The following TSPAN11 variants were observed in gnomAD, a reference collection of about 807,000 sequenced individuals.
TSPAN11 encodes the protein tetraspanin 11.
TSPAN11 carries 29 observed loss-of-function variants against 32.9 expected under a neutral mutation model. That is an observed-to-expected ratio of 0.88 (90% CI 0.66 to 1.20). The LOEUF (loss-of-function observed/expected upper bound fraction) is 1.20, where lower values mean the gene tolerates loss of function less well. Among genes scored for constraint, TSPAN11 ranks in the 50% most tolerant of loss-of-function variants. The pLI, the probability that TSPAN11 is intolerant of heterozygous loss-of-function variation, is 0.00. For missense variants in TSPAN11, 283 were observed against 329.1 expected, an observed-to-expected ratio of 0.86 and a Z score of 1.08; for synonymous variants, 140 against 141.3, an observed-to-expected ratio of 0.99 and a Z score of 0.07.
intron 7 of TSPAN11, among the ~76,000 whole-genome samples, chr12:30,985,769 G>A (rs1013686047): frequency 1.3e-5 from 2 of 152,264 alleles, no homozygotes; most frequent in African/African-American, 4.8e-5. Context: ...CGGATGCCCA[G>A]AGCCGACGGT....
In TSPAN11 at chr12:30,992,045, C is replaced by T. The variant is rs1343340852; in HGVS notation, c.*130C>T. ...CCCCCTCCTTTGTGCCTAGCTCCTG[C>T]GAATCCACCGAGTGCCTGAGACCAT... is the stretch of plus-strand genomic sequence containing the variant. On this transcript the variant is annotated 3_prime_UTR_variant, in exon 8 of 8. Transcript: ENST00000546076. The T allele has an allele frequency of 1.7e-5, 17 of 1,004,854 alleles. No homozygotes were observed. The highest frequency in any genetic ancestry group is 2.6e-5 in the East Asian group (1 of 38,884). The allele number at this position is 1,004,854 out of a possible 1,614,324, so 62.2% of individuals were successfully genotyped here. A position where few individuals can be genotyped will look rare whatever the true frequency, so the allele number is the denominator to read the frequency against.
chr12:30,933,823 C>A (rs1055663899), intron 1 of TSPAN11, among the ~76,000 whole-genome samples: 6 of 152,164 alleles, frequency 3.9e-5, no homozygotes, highest in African/African-American at 1.4e-4. Flanking sequence ...TGATGGTGAG[C>A]TCTTGGTTCA....
rs375266187 is a variant in TSPAN11, at chr12:30,982,659, G to C, written c.584G>C (p.Arg195Pro). The change falls in exon 6 of 8, where the codon CGG (arginine) becomes CCG (proline). Residue 195 changes from arginine (R) to proline (P), a missense_variant. Physicochemically the swap from Arg to Pro is moderately radical, Grantham distance 103. Coordinates refer to ENST00000546076, the MANE Select transcript of TSPAN11 (RefSeq NM_001370302.1). The part of the protein sequence containing the change: ...CKTVVVRCGQ[R>P]AHPSNIYKVE... ...ACAGTGGTGGTGCGCTGCGGCCAGCGGGCCCACCCCTCCAACATCTATAAG... is the reference window on the plus strand; with the variant it reads ...ACAGTGGTGGTGCGCTGCGGCCAGCCGGCCCACCCCTCCAACATCTATAAG... The C allele has an allele frequency of 9.4e-6, 15 of 1,600,592 alleles. No homozygotes were observed. In the South Asian group the frequency reaches 1.6e-4, roughly 17 times the overall value.
rs111830542 is a variant in TSPAN11 at position 30,963,915 on chromosome 12, C to G, written c.174C>G (p.Ala58=). The change falls in exon 3 of 8, where the codon GCC becomes GCG. Residue 58 remains alanine, a synonymous_variant. Transcript: ENST00000546076. ...YLSVLASSTF[A]ASAYILIFAG... is the part of the protein sequence containing the mutation. ...GCGTCCTGGCCTCCAGCACCTTTGC[C>G]GCCTCCGCCTACATCCTCATCTTTG... The G allele has an allele frequency of 1.9e-6, 3 of 1,613,682 alleles. No individual in the cohort carries two copies. The highest frequency in any genetic ancestry group is 2.5e-6 in the Non-Finnish European group (3 of 1,179,928).
intron 7 of TSPAN11, 61 bp from the exon 8 acceptor site, chr12:30,991,795 G>A (rs1201364811): frequency 6.3e-7 from 1 of 1,594,862 alleles, no homozygotes; most frequent in Non-Finnish European, 8.6e-7. Context: ...AGGGCCCTGA[G>A]GGCCGGCAGC....
chr12:30,938,992 G>T (rs1026709290), intron 1 of TSPAN11, among the ~76,000 whole-genome samples: 15 of 152,052 alleles, frequency 9.9e-5, no homozygotes, highest in African/African-American at 3.1e-4. Context: ...CAGCACTTTG[G>T]GAGGCTGAGG....
rs1390352248 is a variant in TSPAN11, at chr12:30,991,995, A to G, written c.*80A>G. 1.7e-5 allele frequency: 25 copies of G among 1,493,762 alleles called. No homozygotes were observed. The highest frequency in any genetic ancestry group is 3.4e-4 in the Middle Eastern group (2 of 5,856). The allele number at this position is 1,493,762 out of a possible 1,614,324, so 92.5% of individuals were successfully genotyped here. The stretch of plus-strand genomic sequence containing the variant: ...CATCTGCAAGGCCTGCAGAGTTAGC[A>G]CCAGCTCCACTAGGGCCATAGATGC... On this transcript the variant is annotated 3_prime_UTR_variant, in exon 8 of 8. Coordinates refer to ENST00000546076, the MANE Select transcript of TSPAN11 (RefSeq NM_001370302.1).
chr12:30,947,632 G>A (rs562523280), intron 1 of TSPAN11, among the ~76,000 whole-genome samples: 3 of 152,266 alleles, frequency 2.0e-5, no homozygotes, highest in East Asian at 1.9e-4. Context: ...TCACTGTCAC[G>A]AGAATAGTAT....
intron 3 of TSPAN11, among the ~76,000 whole-genome samples, chr12:30,972,806 G>A (rs961606968): frequency 6.6e-6 from 1 of 151,818 alleles, no homozygotes; most frequent in South Asian, 2.1e-4. Flanking sequence ...GGCTGCGCAG[G>A]GGGGAGGTGG....
chr12:30,983,532 TG>T (rs1404656071), intron 7 of TSPAN11, among the ~76,000 whole-genome samples: 1 of 152,154 alleles, frequency 6.6e-6, no homozygotes, highest in African/African-American at 2.4e-5. Context: ...TGCACGTATA[TG>T]TGTTTAGGGG....
At chr12:30,944,300 G>C (rs759211475) in intron 1 of TSPAN11, among the ~76,000 whole-genome samples, 2 of 152,028 alleles carry the variant, frequency 1.3e-5, no homozygotes, top group Non-Finnish European at 2.9e-5. Context: ...ATTAACTATA[G>C]TTATCATGTT....
chr12:30,992,700 G>C lies in TSPAN11; in HGVS notation c.*785G>C, dbSNP rs1939340287. On this transcript the variant is annotated 3_prime_UTR_variant, in exon 8 of 8. Transcript: ENST00000546076. ...GCCCCTCGGGAATCTCCTGTTCCGG[G>C]GCCTGATTCTCAGGAACACCAGGTT... 6.6e-6 allele frequency: 1 copy of C among 152,268 alleles called. No individual in the cohort carries two copies. Among genetic ancestry groups the C allele is most frequent in the African/African-American group, 2.4e-5 (1 of 41,430 alleles). The allele number at this position is 152,268 out of a possible 1,614,324, so 9.4% of individuals were successfully genotyped here.
chr12:30,949,941 C>A (rs1938348600), intron 1 of TSPAN11, among the ~76,000 whole-genome samples: 1 of 152,082 alleles, frequency 6.6e-6, no homozygotes, highest in South Asian at 2.1e-4. Context: ...CCTCGCACAT[C>A]ATTTTGCTGC....
At chr12:30,933,181 A>T (rs886654269) in intron 1 of TSPAN11, among the ~76,000 whole-genome samples, 1 of 152,204 alleles carries the variant, frequency 6.6e-6, no homozygotes, top group African/African-American at 2.4e-5. Context: ...ATTCAGGCAC[A>T]GGCTGGGGCA....
At position 30,983,068 on chromosome 12, in the gene TSPAN11, G is replaced by C. The variant is rs761082668; in HGVS notation, c.620G>C (p.Gly207Ala). 2 of 1,612,504 alleles carry C rather than the reference G, an allele frequency of 1.2e-6. No homozygotes were observed. The highest frequency in any genetic ancestry group is 3.3e-5 in the Admixed American group (2 of 59,992). The change falls in exon 7 of 8, where the codon GGC (glycine) becomes GCC (alanine). Residue 207 changes from glycine (G) to alanine (A), a missense_variant. Physicochemically the swap from Gly to Ala is moderately conservative, Grantham distance 60. Coordinates refer to ENST00000546076, the MANE Select transcript of TSPAN11 (RefSeq NM_001370302.1). ...TCACCTGCCCTTCTCTTACAGGGAGGCTGCCTCACCAAGCTGGAGCAGTTC... is the reference window on the plus strand; with the variant it reads ...TCACCTGCCCTTCTCTTACAGGGAGCCTGCCTCACCAAGCTGGAGCAGTTC... ...HPSNIYKVEG[G>A]CLTKLEQFLA...
chr12:31,011,663 T>C, the TSPAN11 span, among the ~76,000 whole-genome samples: 2 of 151,976 alleles, frequency 1.3e-5, no homozygotes, highest in Non-Finnish European at 2.9e-5. Flanking sequence ...GCCCACAGTA[T>C]GGGCACAGGA....
chr12:30,980,087 G>C (rs963972635), intron 5 of TSPAN11, among the ~76,000 whole-genome samples: 30 of 152,340 alleles, frequency 2.0e-4, no homozygotes, highest in African/African-American at 5.3e-4. Context: ...CTGTGACTCC[G>C]TAAGAGTGAG....
At chr12:30,980,220 G>A (rs1939061572) in intron 5 of TSPAN11, among the ~76,000 whole-genome samples, 2 of 152,196 alleles carry the variant, frequency 1.3e-5, no homozygotes, top group South Asian at 4.1e-4. Flanking sequence ...ATCCCTCCAG[G>A]GACACCCACT....
chr12:30,967,382 G>A (rs947445350), intron 3 of TSPAN11, among the ~76,000 whole-genome samples: 6 of 152,210 alleles, frequency 3.9e-5, no homozygotes, highest in African/African-American at 1.4e-4. Context: ...AAGCCTTGCT[G>A]GGCACCTCTT....
Sources: gnomAD v4.1 joint callset for allele counts (sites outside exome capture counted in the v4.1 genomes callset) on GRCh38, gnomAD v4.1.1 for gene constraint, MANE v1.5 for transcripts, NCBI Gene and HGNC (gene_info 2026-07-23, HGNC 2026-07-21) for gene names.